LGI1: variants seen among roughly 807,000 people sequenced by gnomAD.
LGI1 encodes the protein leucine-rich glioma-inactivated protein 1.
Under a neutral mutation model 57.7 loss-of-function variants are expected in LGI1, and 11 were observed. The ratio of observed to expected loss-of-function variants is 0.19; its 90% CI spans 0.12 to 0.32. The LOEUF (loss-of-function observed/expected upper bound fraction) is 0.32, where lower values mean the gene tolerates loss of function less well. LGI1 is among the 10% of genes least tolerant of loss of function. LGI1 has a pLI of 1.00. For synonymous variants in LGI1, 222 were observed against 241.9 expected, an observed-to-expected ratio of 0.92 and a Z score of 0.76; for missense variants, 422 against 661.9, an observed-to-expected ratio of 0.64 and a Z score of 3.98.
At chr10:93,764,048 T>C (rs946556437) in intron 2 of LGI1, 23 of 152,184 alleles carry the variant, frequency 1.5e-4, no homozygotes, top group Admixed American at 1.3e-3. Context: ...AGCAACAAAA[T>C]GAAAACAAAA....
chr10:93,796,876 T>C (rs1272574765), intron 7 of LGI1, 92 bp from the exon 8 acceptor site: 66 of 1,024,844 alleles, frequency 6.4e-5, no homozygotes, highest in Non-Finnish European at 9.1e-5. Flanking sequence ...TTCAGGCTGA[T>C]TTGGGTGGAA....
Position 93,797,878 on chromosome 10 carries a change from C to T in LGI1, c.*75C>T. On this transcript the variant is annotated 3_prime_UTR_variant, in exon 8 of 8. Coordinates refer to ENST00000371418, the MANE Select transcript of LGI1 (RefSeq NM_005097.4). This position sits in a 1 kb window ranked among gnomAD's most constrained non-coding sequence, Gnocchi z 6.5. ...CGGATGAACTCAATGCATGATGACT[C>T]TTCTTATCACACTTGCAAATGAATG... 2 of 979,406 alleles carry T rather than the reference C, an allele frequency of 2.0e-6. No individual in the cohort carries two copies. The highest frequency in any genetic ancestry group is 1.6e-6 in the Non-Finnish European group (1 of 615,636). 60.7% of individuals were successfully genotyped at this position (979,406 alleles called of 1,614,324 possible). A position where few individuals can be genotyped will look rare whatever the true frequency, so the allele number is the denominator to read the frequency against.
At position 93,797,826 on chromosome 10, in the gene LGI1, A is replaced by C; in HGVS notation, c.*23A>C. 6.5e-7 allele frequency: 1 copy of C among 1,543,606 alleles called. No individual in the cohort carries two copies. Among genetic ancestry groups the C allele is most frequent in the South Asian group, 1.1e-5 (1 of 90,032 alleles). ...TGAGACACCAAATTCTGTGGCTGCC[A>C]TCAGAAATTTTCTACAGTACATGAC... On this transcript the variant is annotated 3_prime_UTR_variant, in exon 8 of 8. Coordinates refer to ENST00000371418, the MANE Select transcript of LGI1 (RefSeq NM_005097.4). This position sits in a 1 kb window ranked among gnomAD's most constrained non-coding sequence, Gnocchi z 6.5.
intron 4 of LGI1, among the ~76,000 whole-genome samples, chr10:93,778,379 A>AGG (rs1351014498): frequency 1.5e-5 from 2 of 130,324 alleles, no homozygotes; most frequent in African/African-American, 2.8e-5. Context: ...ACACACACAC[A>AGG]CACAGGCACA....
chr10:93,777,605 C>A lies in LGI1; in HGVS notation c.419C>A (p.Ser140Ter). 1 of 1,611,624 alleles carries A rather than the reference C, an allele frequency of 6.2e-7. No individual in the cohort carries two copies. Among genetic ancestry groups the A allele is most frequent in the South Asian group, 1.1e-5 (1 of 90,944 alleles). The change falls in exon 4 of 8, where the codon TCA becomes TAA. Residue 140 changes from serine to a stop codon, truncating the protein, a stop_gained. Coordinates refer to ENST00000371418, the MANE Select transcript of LGI1 (RefSeq NM_005097.4). LOFTEE classifies it high-confidence loss of function. ...ISRHTFRGLK[S>*]LIHLSLANNN... The stretch of plus-strand genomic sequence containing the variant: ...AGACATACTTTCCGGGGACTAAAGT[C>A]ATTAATTCACTTGTAAGTATGAATG...
At chr10:93,761,323 C>A (rs1264267882) in intron 2 of LGI1, among the ~76,000 whole-genome samples, 1 of 152,166 alleles carries the variant, frequency 6.6e-6, no homozygotes, top group Non-Finnish European at 1.5e-5. Context: ...ATTCCAACAG[C>A]ATTTGTGATT....
At chr10:93,766,290 C>A (rs1293782390) in intron 2 of LGI1, among the ~76,000 whole-genome samples, 2 of 152,050 alleles carry the variant, frequency 1.3e-5, no homozygotes, top group Non-Finnish European at 2.9e-5. Context: ...GGCAATAAAT[C>A]TTTAAAAATA....
At chr10:93,776,065 T>C (rs2059791081) in intron 2 of LGI1, 1 of 152,196 alleles carries the variant, frequency 6.6e-6, no homozygotes, top group South Asian at 2.1e-4. Context: ...TTTGTTTTAG[T>C]AACATGGAAT....
At chr10:93,762,737 T>G (rs138437610) in intron 2 of LGI1, 145 of 131,306 alleles carry the variant, frequency 1.1e-3, no homozygotes, top group African/African-American at 3.7e-3. Flanking sequence ...TTTAACTTTT[T>G]AATTAATTAC....
rs552694638 is a variant in LGI1, at chr10:93,786,774, C to T, written c.432-3325C>T. Among the ~76,000 whole-genome samples the T allele has an allele frequency of 5.3e-5, 8 of 152,282 alleles. No homozygotes were observed. The South Asian group carries it at 1.7e-3, about 32-fold the overall frequency. On this transcript the variant is annotated intron_variant, in intron 4 of 7. Coordinates refer to ENST00000371418, the MANE Select transcript of LGI1 (RefSeq NM_005097.4). ...ACACCCAACTAATTTTTGTATTTTT[C>T]GCAGACAGAGGATTTTGCCTTGTTG...
chr10:93,775,296 T>TATA (rs1281422583), intron 2 of LGI1, among the ~76,000 whole-genome samples: 14 of 152,192 alleles, frequency 9.2e-5, no homozygotes, highest in Non-Finnish European at 1.5e-5. Flanking sequence ...TTTTTGTACT[T>TATA]TATATAAGTA....
chr10:93,783,754 G>A (rs1013041171), intron 4 of LGI1, among the ~76,000 whole-genome samples: 1 of 152,220 alleles, frequency 6.6e-6, no homozygotes, highest in Non-Finnish European at 1.5e-5. Flanking sequence ...GCTCATGCTT[G>A]TAATCCCAGC....
chr10:93,770,505 T>C (rs2059724595), intron 2 of LGI1: 1 of 152,454 alleles, frequency 6.6e-6, no homozygotes, highest in African/African-American at 2.4e-5. Context: ...TGCTTCTTCA[T>C]TTACTTCTCT....
At chr10:93,775,278 T>C (rs191419134) in intron 2 of LGI1, among the ~76,000 whole-genome samples, 1 of 152,314 alleles carries the variant, frequency 6.6e-6, no homozygotes, top group East Asian at 1.9e-4. Context: ...TCTAGCAGCA[T>C]AGATTAGTTT....
At chr10:93,794,679 T>C (rs1812382245) in intron 7 of LGI1, 3 of 152,162 alleles carry the variant, frequency 2.0e-5, no homozygotes, top group Admixed American at 2.0e-4. Flanking sequence ...TTAGCTGATC[T>C]CTTAAGTTTC....
chr10:93,787,884 A>G (rs7902938), intron 4 of LGI1, among the ~76,000 whole-genome samples: 146,943 of 149,924 alleles, frequency 0.98, 72,087 homozygotes, highest in East Asian at 1. Context: ...TTCAGCCTGG[A>G]CAACAAAGTG....
At chr10:93,762,088 C>A (rs1048292700) in intron 2 of LGI1, among the ~76,000 whole-genome samples, 2 of 152,166 alleles carry the variant, frequency 1.3e-5, no homozygotes, top group South Asian at 4.1e-4. Context: ...TAATTATAAA[C>A]CCCTGTAATT....
chr10:93,797,164 C>T lies in LGI1; in HGVS notation c.1035C>T (p.Tyr345=). 1 of 1,614,176 alleles carries T rather than the reference C, an allele frequency of 6.2e-7. No homozygotes were observed. Among genetic ancestry groups the T allele is most frequent in the Non-Finnish European group, 8.5e-7 (1 of 1,180,028 alleles). The change falls in exon 8 of 8, where the codon TAC becomes TAT. Residue 345 remains tyrosine (Y), a synonymous_variant. Transcript: ENST00000371418. This position sits in a 1 kb window ranked among gnomAD's most constrained non-coding sequence, Gnocchi z 6.5. ...CATTCAAGATTGAAAACAACTGGTA[C>T]TTTGTTGTTGCTGACAGTTCAAAAG... ...IETFKIENNW[Y]FVVADSSKAG... is the part of the protein sequence containing the mutation.
chr10:93,795,149 A>G (rs1407897469), intron 7 of LGI1, among the ~76,000 whole-genome samples: 2 of 152,234 alleles, frequency 1.3e-5, no homozygotes, highest in African/African-American at 4.8e-5. Flanking sequence ...GAGCACTTAC[A>G]AGAGAAATAA....
Sources: allele counts gnomAD v4.1 joint callset (sites outside exome capture counted in the v4.1 genomes callset), GRCh38; gene constraint gnomAD v4.1.1; non-coding constraint Gnocchi (gnomAD v3.1); transcripts MANE v1.5; gene names NCBI Gene and HGNC (gene_info 2026-07-23, HGNC 2026-07-21).